The following ZNF423 variants were observed in gnomAD, a reference collection of about 807,000 sequenced individuals.
ZNF423 encodes the protein zinc finger protein 423, also known as Ebf-associated zinc finger protein.
In ZNF423, 12 loss-of-function variants were observed where a neutral mutation model predicts 95.8. That is an observed-to-expected ratio of 0.13 (90% confidence interval 0.08 to 0.20). ZNF423 has a LOEUF of 0.20. Ranked by LOEUF, ZNF423 falls within the 10% of genes least tolerant of loss-of-function variation. The pLI is 1.00. For missense variants in ZNF423, 1,316 were observed against 1,737.1 expected (o/e 0.76, Z 4.31); for synonymous variants, 749 against 711.9 (o/e 1.05, Z -0.83).
intron 5 of ZNF423, among the ~76,000 whole-genome samples, chr16:49,549,060 C>A (rs1196070181): frequency 6.6e-6 from 1 of 152,134 alleles, no homozygotes; most frequent in Non-Finnish European, 1.5e-5. Context: ...CAGATGTGTG[C>A]CCACTTCAGA....
chr16:49,818,840 C>A (rs1205137175), intron 1 of ZNF423, among the ~76,000 whole-genome samples: 1 of 152,092 alleles, frequency 6.6e-6, no homozygotes, highest in Admixed American at 6.5e-5. Flanking sequence ...TGAGCTGTAA[C>A]CATGCCAGTG....
At chr16:49,540,402 G>T (rs1161829148) in intron 5 of ZNF423, among the ~76,000 whole-genome samples, 1 of 152,068 alleles carries the variant, frequency 6.6e-6, no homozygotes, top group Non-Finnish European at 1.5e-5. Flanking sequence ...AGAGCCCTGA[G>T]CAGCTGGGAC....
intron 1 of ZNF423, among the ~76,000 whole-genome samples, chr16:49,849,162 G>C (rs2035275833): frequency 6.6e-6 from 1 of 152,114 alleles, no homozygotes; most frequent in South Asian, 2.1e-4. Context: ...CTTATGATTG[G>C]AGTTTGCCAT....
chr16:49,608,608 G>A (rs1463102346), intron 5 of ZNF423, among the ~76,000 whole-genome samples: 1 of 152,162 alleles, frequency 6.6e-6, no homozygotes, highest in Admixed American at 6.5e-5. Flanking sequence ...AAGCGGTGAG[G>A]ATCCTGGGTT....
chr16:49,637,687 A>G lies in ZNF423; in HGVS notation c.1489T>C (p.Phe497Leu), dbSNP rs903314565. The G allele has an allele frequency of 3.1e-6, 5 of 1,614,056 alleles. No homozygotes were observed. The highest frequency in any genetic ancestry group is 4.2e-6 in the Non-Finnish European group (5 of 1,180,058). The part of the protein sequence containing the change: ...AFHCNYCPEM[F>L]ADINSLQEHI... The stretch of plus-strand genomic sequence containing the variant: ...TCCTGCAGGCTATTGATGTCGGCGA[A>G]CATCTCGGGGCAGTAGTTGCAGTGG... The change falls in exon 4 of 8, where the codon TTC becomes CTC. Residue 497 changes from phenylalanine to leucine, a missense_variant. This residue lies in a region of ZNF423 where 399 missense variants were observed against 478.5 expected (regional missense o/e 0.83). Transcript: ENST00000563137. This position sits in a 1 kb window ranked among gnomAD's most constrained non-coding sequence, Gnocchi z 5.6.
chr16:49,797,802 A>C (rs2034522113), intron 1 of ZNF423, among the ~76,000 whole-genome samples: 1 of 152,218 alleles, frequency 6.6e-6, no homozygotes, highest in Non-Finnish European at 1.5e-5. Flanking sequence ...CCCTGAAGTG[A>C]GAGTGAAAGG....
At chr16:49,827,980 C>G (rs1457146406) in intron 1 of ZNF423, among the ~76,000 whole-genome samples, 1 of 152,144 alleles carries the variant, frequency 6.6e-6, no homozygotes, top group Admixed American at 6.5e-5. Flanking sequence ...TCTTAGTGAC[C>G]CTAGTATGAA....
At chr16:49,789,273 C>T (rs1434166277) in intron 2 of ZNF423, among the ~76,000 whole-genome samples, 5 of 152,132 alleles carry the variant, frequency 3.3e-5, no homozygotes, top group African/African-American at 4.8e-5. Flanking sequence ...ATGTGGCCCT[C>T]GGGAGAATAA....
intron 7 of ZNF423, among the ~76,000 whole-genome samples, chr16:49,499,390 G>A (rs1457898291): frequency 6.6e-6 from 1 of 152,218 alleles, no homozygotes; most frequent in Non-Finnish European, 1.5e-5. Flanking sequence ...AATTCATCCG[G>A]AACTCCCGGC....
intron 3 of ZNF423, among the ~76,000 whole-genome samples, chr16:49,675,809 CA>C: frequency 6.6e-6 from 1 of 152,200 alleles, no homozygotes; most frequent in South Asian, 2.1e-4. Context: ...CACCTGTACA[CA>C]AATGTAAAAG....
intron 5 of ZNF423, among the ~76,000 whole-genome samples, chr16:49,528,279 T>A (rs1968697225): frequency 6.6e-6 from 1 of 151,902 alleles, no homozygotes. Flanking sequence ...GCCGAGCAAT[T>A]CATCAGCTGG....
intron 5 of ZNF423, among the ~76,000 whole-genome samples, chr16:49,547,731 T>C (rs998481692): frequency 6.6e-6 from 1 of 152,236 alleles, no homozygotes; most frequent in African/African-American, 2.4e-5. Context: ...TGCTGGGCGT[T>C]GTCCTGGGGC....
chr16:49,760,883 C>T (rs2033817996), intron 2 of ZNF423, among the ~76,000 whole-genome samples: 1 of 151,322 alleles, frequency 6.6e-6, no homozygotes, highest in Non-Finnish European at 1.5e-5. Flanking sequence ...CCCCAAATTC[C>T]CCCTGCCATG....
At chr16:49,514,825 C>T (rs1968067156) in intron 7 of ZNF423, among the ~76,000 whole-genome samples, 1 of 152,188 alleles carries the variant, frequency 6.6e-6, no homozygotes, top group African/African-American at 2.4e-5. Context: ...GTCAAGATTC[C>T]AGGGCGTGGC....
At chr16:49,654,309 C>G (rs1973524916) in intron 3 of ZNF423, among the ~76,000 whole-genome samples, 1 of 152,232 alleles carries the variant, frequency 6.6e-6, no homozygotes, top group South Asian at 2.1e-4. Context: ...AAGCATCTCA[C>G]AGGTGGTGGT....
intron 1 of ZNF423, among the ~76,000 whole-genome samples, chr16:49,821,417 T>C (rs930283941): frequency 6.6e-6 from 1 of 152,140 alleles, no homozygotes; most frequent in Non-Finnish European, 1.5e-5. Flanking sequence ...CAGCAGATGA[T>C]TGCCTCTGAT....
intron 3 of ZNF423, among the ~76,000 whole-genome samples, chr16:49,651,436 C>A (rs997763317): frequency 6.6e-6 from 1 of 152,148 alleles, no homozygotes. Flanking sequence ...CCCCCACCCC[C>A]CTGCATGCCC....
intron 5 of ZNF423, among the ~76,000 whole-genome samples, chr16:49,605,447 G>C (rs2151836666): frequency 6.6e-6 from 1 of 152,250 alleles, no homozygotes; most frequent in African/African-American, 2.4e-5. Context: ...GAAGCTTCCA[G>C]CTTTTTCTTG....
intron 5 of ZNF423, among the ~76,000 whole-genome samples, chr16:49,575,237 C>T (rs952980956): frequency 6.6e-6 from 1 of 152,166 alleles, no homozygotes; most frequent in East Asian, 1.9e-4. Flanking sequence ...GCTTTCAACA[C>T]ATTTTTTTTA....
Sources: gnomAD v4.1 joint callset for allele counts (sites outside exome capture counted in the v4.1 genomes callset) on GRCh38, gnomAD v4.1.1 for gene constraint, gnomAD v4.1.1 regional missense constraint, Gnocchi (gnomAD v3.1) non-coding constraint, MANE v1.5 for transcripts, NCBI Gene and HGNC (gene_info 2026-07-23, HGNC 2026-07-21) for gene names.